The following ICA1L variants were observed in gnomAD, a reference collection of about 807,000 sequenced individuals.
The protein encoded by ICA1L is islet cell autoantigen 1-like protein.
Under a neutral mutation model 61.3 loss-of-function variants are expected in ICA1L, and 50 were observed. That is an observed-to-expected ratio of 0.82 (90% CI 0.65 to 1.03). The LOEUF is 1.03. Among genes scored for constraint, ICA1L ranks in the 50% least tolerant of loss-of-function variants. The pLI is 0.00. For synonymous variants in ICA1L, 161 were observed against 191.3 expected, an observed-to-expected ratio of 0.84 and a Z score of 1.31; for missense variants, 508 against 556.7, an observed-to-expected ratio of 0.91 and a Z score of 0.88.
intron 11 of ICA1L, among the ~76,000 whole-genome samples, chr2:202,787,064 G>A (rs1692610402): frequency 6.6e-6 from 1 of 152,102 alleles, no homozygotes; most frequent in Admixed American, 6.6e-5. Context: ...TCCCTTTCCT[G>A]GTCTGTACCA....
At chr2:202,798,472 C>G (rs1386419605) in intron 9 of ICA1L, among the ~76,000 whole-genome samples, 2 of 152,122 alleles carry the variant, frequency 1.3e-5, no homozygotes, top group African/African-American at 4.8e-5. Context: ...AACTTCTGGG[C>G]TCAAGCAATC....
At chr2:202,785,794 A>G in intron 12 of ICA1L, 124 bp downstream of exon 12, 1 of 547,934 alleles carries the variant, frequency 1.8e-6, no homozygotes, top group Non-Finnish European at 3.2e-6. Flanking sequence ...TTTTAATAAT[A>G]ATCATTATTA....
chr2:202,862,420 C>T (rs1392329058), intron 1 of ICA1L, among the ~76,000 whole-genome samples: 4 of 151,718 alleles, frequency 2.6e-5, no homozygotes, highest in East Asian at 1.9e-4. Flanking sequence ...ATCATGCCAC[C>T]GTGCTCCAGG....
At chr2:202,860,339 A>T (rs1694878532) in intron 1 of ICA1L, 1 of 151,072 alleles carries the variant, frequency 6.6e-6, no homozygotes, top group Non-Finnish European at 1.5e-5. Context: ...GAACACCAAT[A>T]TGGTTGATCC....
Position 202,775,435 on chromosome 2 carries a change from A to C in ICA1L, c.*4098T>G, listed in dbSNP as rs1273121714. 1.3e-5 allele frequency: 2 copies of C among 152,238 alleles called. No homozygotes were observed. Among genetic ancestry groups the C allele is most frequent in the South Asian group, 2.1e-4 (1 of 4,832 alleles). The allele number at this position is 152,238 out of a possible 1,614,324, so 9.4% of individuals were successfully genotyped here. A position where few individuals can be genotyped will look rare whatever the true frequency, so the allele number is the denominator to read the frequency against. ...TGATATTTGTTAGTTTTTGTTACTG[A>C]AAGTATTTACATAAATAACGTACAT... On this transcript the variant is annotated 3_prime_UTR_variant, in exon 13 of 13. Coordinates refer to ENST00000358299, the MANE Select transcript of ICA1L (RefSeq NM_001288622.3).
chr2:202,863,366 A>T (rs1325238275), intron 1 of ICA1L, among the ~76,000 whole-genome samples: 1 of 152,196 alleles, frequency 6.6e-6, no homozygotes, highest in African/African-American at 2.4e-5. Flanking sequence ...AGAGGAGCAA[A>T]TTAAACCCCA....
At chr2:202,815,699 T>C (rs1693513958) in intron 7 of ICA1L, among the ~76,000 whole-genome samples, 2 of 152,164 alleles carry the variant, frequency 1.3e-5, no homozygotes, top group South Asian at 4.2e-4. Context: ...GTCCTACTAG[T>C]ATCTTGGGCC....
chr2:202,773,322 T>C lies in ICA1L; in HGVS notation c.*6211A>G, dbSNP rs574817854. The C allele has an allele frequency of 3.3e-4, 51 of 155,372 alleles. No homozygotes were observed. The highest frequency in any genetic ancestry group is 3.4e-3 in the Middle Eastern group (1 of 296). 9.6% of individuals were successfully genotyped at this position (155,372 alleles called of 1,614,324 possible). On this transcript the variant is annotated 3_prime_UTR_variant, in exon 13 of 13. Transcript: ENST00000358299. ...GCATTTCTTTCCCTTAGAGGGACTA[T>C]TCCAACATCACTCCTTTGGAATTAT...
intron 1 of ICA1L, among the ~76,000 whole-genome samples, chr2:202,835,291 C>T (rs1193025060): frequency 6.7e-6 from 1 of 149,748 alleles, no homozygotes; most frequent in African/African-American, 2.5e-5. Context: ...CTGCAGCCTC[C>T]ACCTCCCAAA....
At chr2:202,823,908 C>CA (rs1485536408) in intron 3 of ICA1L, among the ~76,000 whole-genome samples, 1 of 151,936 alleles carries the variant, frequency 6.6e-6, no homozygotes, top group Non-Finnish European at 1.5e-5. Context: ...GGCAGGTAGT[C>CA]AAAAAAATAC....
intron 1 of ICA1L, among the ~76,000 whole-genome samples, chr2:202,851,544 G>A (rs1694620876): frequency 6.6e-6 from 1 of 152,134 alleles, no homozygotes; most frequent in Admixed American, 6.5e-5. Flanking sequence ...GGATGGCTGG[G>A]TCAAATGCTA....
chr2:202,832,598 C>G (rs1694044272), intron 1 of ICA1L, among the ~76,000 whole-genome samples: 1 of 150,980 alleles, frequency 6.6e-6, no homozygotes, highest in Admixed American at 6.6e-5. Flanking sequence ...TCTCCAGTTA[C>G]AAAGTTCAGT....
At chr2:202,830,251 A>G (rs183059046) in intron 1 of ICA1L, among the ~76,000 whole-genome samples, 1 of 152,244 alleles carries the variant, frequency 6.6e-6, no homozygotes, top group East Asian at 1.9e-4. Context: ...CTACTAAAAT[A>G]CAAAAAATTA....
chr2:202,853,445 T>G (rs1694687328), intron 1 of ICA1L, among the ~76,000 whole-genome samples: 1 of 150,570 alleles, frequency 6.6e-6, no homozygotes, highest in Non-Finnish European at 1.5e-5. Flanking sequence ...GACATAGGCA[T>G]GGGCAAGGAC....
chr2:202,773,858 TAC>T lies in ICA1L; in HGVS notation c.*5673_*5674del, dbSNP rs1692130886. The T allele has an allele frequency of 2.8e-5, 37 of 1,331,506 alleles. No individual in the cohort carries two copies. Among genetic ancestry groups the T allele is most frequent in the Admixed American group, 5.1e-5 (3 of 59,168 alleles). 82.5% of individuals were successfully genotyped at this position (1,331,506 alleles called of 1,614,324 possible). A position where few individuals can be genotyped will look rare whatever the true frequency, so the allele number is the denominator to read the frequency against. On this transcript the variant is annotated 3_prime_UTR_variant, in exon 13 of 13. Coordinates refer to ENST00000358299, the MANE Select transcript of ICA1L (RefSeq NM_001288622.3). Reference sequence around the variant, plus strand: ...TGCAGCCCTGTGGGAAGTTTTCTTCTACAGAGGCTGAGTGGAACAGTCCTGCT... The same window carrying T: ...TGCAGCCCTGTGGGAAGTTTTCTTCTAGAGGCTGAGTGGAACAGTCCTGCT...
rs930376861 is a variant in ICA1L, at chr2:202,774,490, T to A, written c.*5043A>T. 1.1e-5 allele frequency: 5 copies of A among 461,896 alleles called. No individual in the cohort carries two copies. The highest frequency in any genetic ancestry group is 1.9e-5 in the Non-Finnish European group (5 of 268,622). The allele number at this position is 461,896 out of a possible 1,614,324, so 28.6% of individuals were successfully genotyped here. A position where few individuals can be genotyped will look rare whatever the true frequency, so the allele number is the denominator to read the frequency against. On this transcript the variant is annotated 3_prime_UTR_variant, in exon 13 of 13. Coordinates refer to ENST00000358299, the MANE Select transcript of ICA1L (RefSeq NM_001288622.3). ...TTCATGTTTTTTGTATGTGTTTTTTTAGGTTATGGTCAGTGAGGTTTAGCC... is the reference window on the plus strand; with the variant it reads ...TTCATGTTTTTTGTATGTGTTTTTTAAGGTTATGGTCAGTGAGGTTTAGCC...
At chr2:202,782,662 C>G (rs1456646727) in intron 12 of ICA1L, among the ~76,000 whole-genome samples, 3 of 152,036 alleles carry the variant, frequency 2.0e-5, no homozygotes, top group Non-Finnish European at 2.9e-5. Context: ...CCACCTTGGC[C>G]TCCCAAAGTG....
chr2:202,863,463 T>G (rs1303035827), intron 1 of ICA1L, among the ~76,000 whole-genome samples: 1 of 151,336 alleles, frequency 6.6e-6, no homozygotes, highest in Non-Finnish European at 1.5e-5. Flanking sequence ...TTTGAAAAAA[T>G]TATTAAATTT....
At chr2:202,830,721 T>C (rs1160908941) in intron 1 of ICA1L, among the ~76,000 whole-genome samples, 3 of 152,074 alleles carry the variant, frequency 2.0e-5, no homozygotes, top group Admixed American at 6.6e-5. Context: ...TAAATAAAAA[T>C]AGAATGTCTA....
Sources: allele counts gnomAD v4.1 joint callset (sites outside exome capture counted in the v4.1 genomes callset), GRCh38; gene constraint gnomAD v4.1.1; transcripts MANE v1.5; gene names NCBI Gene and HGNC (gene_info 2026-07-23, HGNC 2026-07-21).